The following TMEM116 variants were observed in gnomAD, a reference collection of about 807,000 sequenced individuals.
TMEM116 encodes the protein transmembrane protein 116.
A neutral mutation model predicts 44.3 loss-of-function variants in TMEM116; 38 were observed. The ratio of observed to expected loss-of-function variants is 0.86; its 90% CI spans 0.66 to 1.12. TMEM116 has a LOEUF of 1.12. Among genes scored for constraint, TMEM116 ranks in the 50% most tolerant of loss-of-function variants. The pLI is 0.00. For missense variants in TMEM116, 354 were observed against 401.7 expected (o/e 0.88, Z 1.01); for synonymous variants, 132 against 144.8 (o/e 0.91, Z 0.64).
At chr12:111,952,111 C>T (rs1231711827) in intron 4 of TMEM116, among the ~76,000 whole-genome samples, 1 of 152,088 alleles carries the variant, frequency 6.6e-6, no homozygotes, top group Non-Finnish European at 1.5e-5. Context: ...CGCCTGTAAT[C>T]CCAGCTACTT....
chr12:111,937,347 A>G (rs2072248636), intron 6 of TMEM116, 104 bp from the exon 7 acceptor site: 1 of 823,518 alleles, frequency 1.2e-6, no homozygotes, highest in Admixed American at 2.2e-5. Flanking sequence ...CATCCCACCA[A>G]TCTCCACAAA....
intron 4 of TMEM116, among the ~76,000 whole-genome samples, chr12:111,945,863 T>C (rs2073233242): frequency 6.6e-6 from 1 of 152,228 alleles, no homozygotes; most frequent in Non-Finnish European, 1.5e-5. Context: ...TATGTACCCA[T>C]ACACCCATTC....
In TMEM116 at chr12:111,999,226, C is replaced by CTT. The variant is rs138800831; in HGVS notation, c.78+4572_78+4573dup. On this transcript the variant is annotated intron_variant, in intron 3 of 10. Coordinates refer to ENST00000552374, the MANE Select transcript of TMEM116 (RefSeq NM_001193531.2). ...ACATATATATACATTTGTATTTGTC[C>CTT]TTTTTTTTTACTTAGAAATTCAACT... Among the ~76,000 whole-genome samples the CTT allele has an allele frequency of 3.3e-4, 50 of 150,882 alleles. 1 individual carries two copies. Among genetic ancestry groups the CTT allele is most frequent in the Middle Eastern group, 3.4e-3 (1 of 290 alleles).
At chr12:111,947,411 C>A (rs1316837309) in intron 4 of TMEM116, among the ~76,000 whole-genome samples, 1 of 152,060 alleles carries the variant, frequency 6.6e-6, no homozygotes, top group African/African-American at 2.4e-5. Flanking sequence ...AAATATTAAA[C>A]AAAATCAGGC....
At position 111,949,022 on chromosome 12, in the gene TMEM116, G is replaced by A. The variant is rs541327711; in HGVS notation, c.211-5653C>T. On this transcript the variant is annotated intron_variant, in intron 4 of 10. Coordinates refer to ENST00000552374, the MANE Select transcript of TMEM116 (RefSeq NM_001193531.2). ...GAGGTGGTGGGGTGGCGGGGGTGGC[G>A]GGGGTTGCTTGAGCTTAGGAGTTAG... 1.5e-3 allele frequency among the ~76,000 whole-genome samples: 233 copies of A among 152,122 alleles called. 1 individual carries two copies. The highest frequency in any genetic ancestry group is 5.3e-3 in the African/African-American group (219 of 41,498).
intron 4 of TMEM116, among the ~76,000 whole-genome samples, chr12:111,953,908 G>A (rs922411006): frequency 6.6e-6 from 1 of 152,054 alleles, no homozygotes; most frequent in Non-Finnish European, 1.5e-5. Context: ...CTAATTCTCT[G>A]TAAAATGATC....
chr12:111,989,952 G>A (rs547155268), intron 4 of TMEM116, among the ~76,000 whole-genome samples: 2 of 152,010 alleles, frequency 1.3e-5, no homozygotes, highest in Non-Finnish European at 2.9e-5. Flanking sequence ...GCTCAATAAA[G>A]TTGTAAAAAA....
chr12:111,973,576 C>T (rs1210968001), intron 4 of TMEM116, among the ~76,000 whole-genome samples: 1 of 152,192 alleles, frequency 6.6e-6, no homozygotes, highest in African/African-American at 2.4e-5. Flanking sequence ...TTAGAAATAT[C>T]TCAAATCAAT....
intron 1 of TMEM116, chr12:112,005,696 G>C (rs897994711): frequency 1.6e-5 from 16 of 985,214 alleles, no homozygotes; most frequent in African/African-American, 1.7e-5. Flanking sequence ...ACTAATAAAA[G>C]GAAGAACAAA....
At chr12:111,937,930 TAG>T (rs577489578) in intron 6 of TMEM116, 61 of 329,194 alleles carry the variant, frequency 1.9e-4, no homozygotes, top group Non-Finnish European at 3.0e-4. Flanking sequence ...GTTAGTTACA[TAG>T]AGTTGATGGT....
Position 111,983,832 on chromosome 12 carries a change from G to A in TMEM116, c.210+7926C>T, listed in dbSNP as rs138648337. ...AATGCTTCCCAACTCATTCTATGAG[G>A]CCAGCAAAACCCTGATACCAAAGCC... On this transcript the variant is annotated intron_variant, in intron 4 of 10. Transcript: ENST00000552374. 3.9e-5 allele frequency among the ~76,000 whole-genome samples: 6 copies of A among 152,156 alleles called. No homozygotes were observed. The East Asian group carries it at 1.2e-3, about 29-fold the overall frequency.
intron 6 of TMEM116, chr12:111,937,959 C>T (rs1428660431): frequency 5.5e-6 from 2 of 365,224 alleles, no homozygotes; most frequent in African/African-American, 2.1e-5. Flanking sequence ...GGAGCTAAAA[C>T]CCAAATCTAT....
At chr12:111,968,454 T>C (rs2075110586) in intron 4 of TMEM116, among the ~76,000 whole-genome samples, 1 of 152,326 alleles carries the variant, frequency 6.6e-6, no homozygotes, top group South Asian at 2.1e-4. Context: ...AGAATAGTTA[T>C]GGTAATACAG....
chr12:111,987,262 T>C (rs2076278766), intron 4 of TMEM116, among the ~76,000 whole-genome samples: 2 of 152,242 alleles, frequency 1.3e-5, no homozygotes, highest in African/African-American at 2.4e-5. Context: ...CCCAGCACTT[T>C]GGTAGGCTGA....
chr12:112,000,256 A>G (rs1199506462), intron 3 of TMEM116, among the ~76,000 whole-genome samples: 2 of 152,198 alleles, frequency 1.3e-5, no homozygotes, highest in Non-Finnish European at 2.9e-5. Context: ...CAAATTACCT[A>G]TTTATCATTT....
At chr12:111,997,240 T>G (rs891679078) in intron 3 of TMEM116, among the ~76,000 whole-genome samples, 2 of 152,060 alleles carry the variant, frequency 1.3e-5, no homozygotes, top group Non-Finnish European at 2.9e-5. Context: ...TATCTCACAA[T>G]AAAAAAATAC....
intron 4 of TMEM116, among the ~76,000 whole-genome samples, chr12:111,969,870 G>T (rs1440633352): frequency 6.6e-6 from 1 of 152,142 alleles, no homozygotes; most frequent in Non-Finnish European, 1.5e-5. Context: ...GTGAGCCACT[G>T]CGCCTGGCCT....
At chr12:112,012,600 T>G (rs1313092490) in intron 1 of TMEM116, 1 of 152,382 alleles carries the variant, frequency 6.6e-6, no homozygotes, top group East Asian at 1.9e-4. Context: ...TTACAGCAAT[T>G]ACACTGCACT....
At chr12:111,962,932 T>C (rs1315950026) in intron 4 of TMEM116, among the ~76,000 whole-genome samples, 3 of 152,186 alleles carry the variant, frequency 2.0e-5, no homozygotes, top group African/African-American at 7.2e-5. Flanking sequence ...AAAGGGCTAA[T>C]ATCCACGATC....
Sources: gnomAD v4.1 joint callset for allele counts (sites outside exome capture counted in the v4.1 genomes callset) on GRCh38, gnomAD v4.1.1 for gene constraint, MANE v1.5 for transcripts, NCBI Gene and HGNC (gene_info 2026-07-23, HGNC 2026-07-21) for gene names.